CNTNAP2: variants seen among roughly 807,000 people sequenced by gnomAD.
The protein encoded by CNTNAP2 is contactin associated protein 2.
A neutral mutation model predicts 155.2 loss-of-function variants in CNTNAP2; 98 were observed. That is an observed-to-expected ratio of 0.63 (90% CI 0.54 to 0.75). The LOEUF (loss-of-function observed/expected upper bound fraction) is 0.75, where lower values mean the gene tolerates loss of function less well. CNTNAP2 is among the 30% of genes least tolerant of loss of function. The pLI is 0.00. For synonymous variants in CNTNAP2, 651 were observed against 631.2 expected, an observed-to-expected ratio of 1.03 and a Z score of -0.47; for missense variants, 1,727 against 1,688.1, an observed-to-expected ratio of 1.02 and a Z score of -0.40.
chr7:147,608,808 G>A (rs894174629), intron 12 of CNTNAP2, among the ~76,000 whole-genome samples: 1 of 152,164 alleles, frequency 6.6e-6, no homozygotes, highest in Non-Finnish European at 1.5e-5. Flanking sequence ...TCCGAAAAGA[G>A]AGTCAGCAAA....
intron 10 of CNTNAP2, among the ~76,000 whole-genome samples, chr7:147,407,191 G>A (rs1053827958): frequency 2.6e-5 from 4 of 151,944 alleles, no homozygotes; most frequent in Non-Finnish European, 4.4e-5. Context: ...ACATAAGGCC[G>A]GGTGCAGTGG....
chr7:148,368,735 G>A lies in CNTNAP2; in HGVS notation c.3476-14914G>A, dbSNP rs949935543. ...CTTTTAAGGGCTCACAACTCTAAGG[G>A]GGTTCCGTGTGAGAGGGTCGTGATC... On this transcript the variant is annotated intron_variant, in intron 21 of 23. Transcript: ENST00000361727. Among the ~76,000 whole-genome samples the A allele has an allele frequency of 3.9e-5, 6 of 152,184 alleles. No individual in the cohort carries two copies. In the East Asian group the frequency reaches 9.6e-4, roughly 24 times the overall value.
At chr7:147,456,368 T>C (rs1292182001) in intron 10 of CNTNAP2, among the ~76,000 whole-genome samples, 1 of 152,126 alleles carries the variant, frequency 6.6e-6, no homozygotes, top group African/African-American at 2.4e-5. Context: ...AACTAGTATA[T>C]AGAAAGAGAG....
At chr7:146,755,420 T>G (rs1585075202) in intron 1 of CNTNAP2, among the ~76,000 whole-genome samples, 1 of 152,026 alleles carries the variant, frequency 6.6e-6, no homozygotes. Flanking sequence ...TGGTATACAG[T>G]GGCATTTGAA....
chr7:148,282,611 C>T (rs773700360), intron 21 of CNTNAP2, among the ~76,000 whole-genome samples: 14 of 152,146 alleles, frequency 9.2e-5, no homozygotes, highest in Non-Finnish European at 1.0e-4. Context: ...GAATGGCTGA[C>T]TCCAATCCTG....
At chr7:146,326,828 C>G (rs1014605644) in intron 1 of CNTNAP2, among the ~76,000 whole-genome samples, 1 of 152,156 alleles carries the variant, frequency 6.6e-6, no homozygotes, top group African/African-American at 2.4e-5. Context: ...ACTATGTAAC[C>G]AGTTGGTTAA....
intron 1 of CNTNAP2, among the ~76,000 whole-genome samples, chr7:146,431,654 G>T (rs899776257): frequency 2.0e-5 from 3 of 151,986 alleles, no homozygotes. Flanking sequence ...TTCATAATGA[G>T]AAGACTGCGT....
At chr7:147,304,958 G>A (rs763432308) in intron 9 of CNTNAP2, among the ~76,000 whole-genome samples, 7 of 152,016 alleles carry the variant, frequency 4.6e-5, no homozygotes, top group East Asian at 3.9e-4. Flanking sequence ...TGTTCTCATC[G>A]AAGAAAAATA....
chr7:148,412,577 TGTTA>T (rs1362077923), intron 23 of CNTNAP2, among the ~76,000 whole-genome samples: 3 of 152,378 alleles, frequency 2.0e-5, no homozygotes, highest in East Asian at 3.9e-4. Context: ...CTAAATTTGC[TGTTA>T]GTTCTAATAA....
intron 13 of CNTNAP2, among the ~76,000 whole-genome samples, chr7:147,684,054 T>A (rs558933832): frequency 6.6e-6 from 1 of 151,988 alleles, no homozygotes; most frequent in African/African-American, 2.4e-5. Flanking sequence ...CTGTCTGGTA[T>A]ACTATTATTT....
At chr7:147,983,345 G>C (rs2116872719) in intron 15 of CNTNAP2, among the ~76,000 whole-genome samples, 1 of 151,856 alleles carries the variant, frequency 6.6e-6, no homozygotes, top group Admixed American at 6.6e-5. Flanking sequence ...AAAGGAAAAG[G>C]GACTAGCATG....
At chr7:147,454,999 C>A (rs907845904) in intron 10 of CNTNAP2, among the ~76,000 whole-genome samples, 3 of 152,080 alleles carry the variant, frequency 2.0e-5, no homozygotes, top group East Asian at 3.9e-4. Context: ...CGGTATGCCC[C>A]ATGGAAACTT....
In CNTNAP2 at chr7:147,627,880, A is replaced by C. The variant is rs1795016189; in HGVS notation, c.1898-11226A>C. Among the ~76,000 whole-genome samples the C allele has an allele frequency of 2.0e-5, 3 of 151,382 alleles. No individual in the cohort carries two copies. The South Asian group carries it at 6.2e-4, about 32-fold the overall frequency. ...TAGACTAGAACAAGTAAAAGAAAGA[A>C]TTTTGGAGCTCAAAGACAAGGCTTT... is the stretch of plus-strand genomic sequence containing the variant. On this transcript the variant is annotated intron_variant, in intron 12 of 23. Transcript: ENST00000361727.
intron 13 of CNTNAP2, among the ~76,000 whole-genome samples, chr7:147,644,036 T>G (rs1024248026): frequency 4.6e-5 from 7 of 152,170 alleles, no homozygotes; most frequent in African/African-American, 1.7e-4. Flanking sequence ...ATGTCCATTC[T>G]CGCAATGTAA....
chr7:148,345,327 C>T (rs1002157590), intron 21 of CNTNAP2, among the ~76,000 whole-genome samples: 1 of 151,040 alleles, frequency 6.6e-6, no homozygotes, highest in African/African-American at 2.4e-5. Context: ...GAATACTGAG[C>T]GCTGTCACTA....
chr7:147,601,644 A>AAAAAAT (rs1299075338), intron 12 of CNTNAP2, among the ~76,000 whole-genome samples: 93 of 87,458 alleles, frequency 1.1e-3, no homozygotes, highest in Non-Finnish European at 1.8e-3. Flanking sequence ...CTTAAAAAAA[A>AAAAAAT]ATATATATAT....
chr7:147,594,861 A>G (rs979146154), intron 12 of CNTNAP2, among the ~76,000 whole-genome samples: 3 of 152,216 alleles, frequency 2.0e-5, no homozygotes, highest in Non-Finnish European at 2.9e-5. Context: ...TTCTTATCAC[A>G]TCTTAAATAG....
intron 14 of CNTNAP2, among the ~76,000 whole-genome samples, chr7:147,906,481 AT>A (rs1268032998): frequency 6.7e-6 from 1 of 150,008 alleles, no homozygotes; most frequent in South Asian, 2.1e-4. Context: ...ATAGATCTTT[AT>A]TTTTTTTATT....
chr7:147,342,562 T>C lies in CNTNAP2; in HGVS notation c.1498+42272T>C, dbSNP rs182234151. On this transcript the variant is annotated intron_variant, in intron 9 of 23. Coordinates refer to ENST00000361727, the MANE Select transcript of CNTNAP2 (RefSeq NM_014141.6). Reference sequence around the variant, plus strand: ...TTGTTTAAAGAAGATTCTATACTTATATGTGGTTACACATGAAACATACAT... The same window carrying C: ...TTGTTTAAAGAAGATTCTATACTTACATGTGGTTACACATGAAACATACAT... Among the ~76,000 whole-genome samples the C allele has an allele frequency of 3.4e-3, 518 of 152,328 alleles. 4 individuals carry two copies. Among genetic ancestry groups the C allele is most frequent in the Non-Finnish European group, 5.0e-3 (339 of 68,034 alleles).
Sources: allele counts gnomAD v4.1 joint callset (sites outside exome capture counted in the v4.1 genomes callset), GRCh38; gene constraint gnomAD v4.1.1; transcripts MANE v1.5; gene names NCBI Gene and HGNC (gene_info 2026-07-23, HGNC 2026-07-21).